The following UVRAG variants were observed in gnomAD, a reference collection of about 807,000 sequenced individuals.
UVRAG encodes UV radiation resistance associated.
A neutral mutation model predicts 78.0 loss-of-function variants in UVRAG; 19 were observed. That is an observed-to-expected ratio of 0.24 (90% confidence interval 0.17 to 0.36). The LOEUF is 0.36. Ranked by LOEUF, UVRAG falls within the 10% of genes least tolerant of loss-of-function variation. The pLI is 1.00. For missense variants in UVRAG, 740 were observed against 853.8 expected (o/e 0.87, Z 1.66); for synonymous variants, 323 against 324.6 (o/e 1.00, Z 0.05).
intron 12 of UVRAG, among the ~76,000 whole-genome samples, chr11:76,056,961 G>A (rs1232859610): frequency 6.6e-6 from 1 of 152,184 alleles, no homozygotes; most frequent in African/African-American, 2.4e-5. Context: ...GATTTAAGGA[G>A]CAAACACTTA....
At chr11:76,091,583 T>C (rs1259684801) in intron 13 of UVRAG, among the ~76,000 whole-genome samples, 1 of 152,170 alleles carries the variant, frequency 6.6e-6, no homozygotes, top group Non-Finnish European at 1.5e-5. Flanking sequence ...CTTTTTGTTC[T>C]ACCTCTGGAG....
intron 2 of UVRAG, among the ~76,000 whole-genome samples, chr11:75,856,015 A>C (rs1345708361): frequency 1.3e-5 from 2 of 152,226 alleles, no homozygotes; most frequent in East Asian, 3.9e-4. Context: ...TTTGAGACGG[A>C]GTCTCACTCT....
intron 14 of UVRAG, among the ~76,000 whole-genome samples, chr11:76,126,536 G>A (rs566121490): frequency 3.9e-5 from 6 of 152,150 alleles, no homozygotes; most frequent in East Asian, 1.9e-4. Context: ...TTTGTATAAC[G>A]TAATGTCTTA....
At chr11:75,870,875 AT>A (rs796351174) in intron 3 of UVRAG, among the ~76,000 whole-genome samples, 23 of 147,490 alleles carry the variant, frequency 1.6e-4, no homozygotes, top group Non-Finnish European at 1.4e-4. Context: ...GCTTTATTTT[AT>A]TTTTTTTTTT....
At chr11:76,068,171 G>C (rs940150856) in intron 13 of UVRAG, among the ~76,000 whole-genome samples, 1 of 152,164 alleles carries the variant, frequency 6.6e-6, no homozygotes, top group Non-Finnish European at 1.5e-5. Flanking sequence ...ATAAAGTGTT[G>C]CTAAGAATAC....
chr11:75,940,944 CATT>C (rs1948471681), intron 6 of UVRAG, among the ~76,000 whole-genome samples: 1 of 152,012 alleles, frequency 6.6e-6, no homozygotes, highest in South Asian at 2.1e-4. Context: ...AAGTAGACAT[CATT>C]AATTGTGAAA....
rs1449204615 is a variant in UVRAG at position 76,142,323 on chromosome 11, A to G, written c.*910A>G. 3 of 152,190 alleles carry G rather than the reference A, an allele frequency of 2.0e-5. No homozygotes were observed. The highest frequency in any genetic ancestry group is 4.4e-5 in the Non-Finnish European group (3 of 68,042). 9.4% of individuals were successfully genotyped at this position (152,190 alleles called of 1,614,324 possible). On this transcript the variant is annotated 3_prime_UTR_variant, in exon 15 of 15. Transcript: ENST00000356136. ...ATCCCTTGATGTAAATCCCATGTTA[A>G]TTTATTAAATTTCAGTCAGAAGGTC...
At chr11:75,989,076 T>G (rs1274007954) in intron 8 of UVRAG, among the ~76,000 whole-genome samples, 1 of 152,182 alleles carries the variant, frequency 6.6e-6, no homozygotes, top group Non-Finnish European at 1.5e-5. Flanking sequence ...TTTCCTTTTT[T>G]TTGAGATGGG....
chr11:75,968,284 A>T (rs1949063547), intron 7 of UVRAG, among the ~76,000 whole-genome samples: 1 of 152,230 alleles, frequency 6.6e-6, no homozygotes, highest in South Asian at 2.1e-4. Flanking sequence ...ATAGTGTTGT[A>T]TAAAAACACT....
chr11:75,912,732 G>A (rs1322957657), intron 6 of UVRAG, among the ~76,000 whole-genome samples: 7 of 152,150 alleles, frequency 4.6e-5, no homozygotes, highest in South Asian at 4.1e-4. Context: ...TAATGTTTAC[G>A]TGACACATAA....
intron 12 of UVRAG, among the ~76,000 whole-genome samples, chr11:76,019,402 A>G (rs1020684682): frequency 6.6e-6 from 1 of 152,072 alleles, no homozygotes; most frequent in Non-Finnish European, 1.5e-5. Context: ...ATGCTTGTGG[A>G]TGTTTGCCAG....
chr11:75,877,964 C>T (rs1256664226), intron 3 of UVRAG, among the ~76,000 whole-genome samples: 1 of 150,650 alleles, frequency 6.6e-6, no homozygotes, highest in Non-Finnish European at 1.5e-5. Context: ...TGGGGGCTGA[C>T]CCCCACCTCC....
intron 7 of UVRAG, among the ~76,000 whole-genome samples, chr11:75,964,593 A>G (rs1043760541): frequency 6.6e-6 from 1 of 152,166 alleles, no homozygotes; most frequent in African/African-American, 2.4e-5. Flanking sequence ...TTGGATATGC[A>G]TGCATCTTTT....
chr11:75,962,679 T>G (rs1410469974), intron 7 of UVRAG, among the ~76,000 whole-genome samples: 1 of 152,126 alleles, frequency 6.6e-6, no homozygotes, highest in Non-Finnish European at 1.5e-5. Context: ...AGACTAAATT[T>G]CAGACTATAA....
chr11:76,130,520 A>G (rs969250302), intron 14 of UVRAG, among the ~76,000 whole-genome samples: 1 of 152,242 alleles, frequency 6.6e-6, no homozygotes, highest in Admixed American at 6.5e-5. Context: ...CCAAGATGTC[A>G]TCTCTAGAGT....
At chr11:76,037,333 A>G (rs894137395) in intron 12 of UVRAG, among the ~76,000 whole-genome samples, 5 of 152,256 alleles carry the variant, frequency 3.3e-5, no homozygotes, top group Admixed American at 6.5e-5. Flanking sequence ...ATATCATATC[A>G]TTTCAATAGA....
At position 75,964,970 on chromosome 11, in the gene UVRAG, G is replaced by A. The variant is rs138758722; in HGVS notation, c.699+3421G>A. On this transcript the variant is annotated intron_variant, in intron 7 of 14. Coordinates refer to ENST00000356136, the MANE Select transcript of UVRAG (RefSeq NM_003369.4). ...TTCTGTTCCATTGATCTATATGTCT[G>A]TATTTCCCCAATACCAAACTCACTT... Among the ~76,000 whole-genome samples, 719 of 152,258 alleles carry A rather than the reference G, an allele frequency of 4.7e-3. 6 individuals carry two copies. Among genetic ancestry groups the A allele is most frequent in the African/African-American group, 0.017 (691 of 41,528 alleles).
chr11:76,122,441 C>CTTTA (rs1294528206), intron 14 of UVRAG, among the ~76,000 whole-genome samples: 1 of 152,156 alleles, frequency 6.6e-6, no homozygotes, highest in East Asian at 1.9e-4. Flanking sequence ...ATCCCTTTCC[C>CTTTA]TATAAAATGA....
At chr11:75,933,387 C>T (rs1948285889) in intron 6 of UVRAG, among the ~76,000 whole-genome samples, 1 of 152,088 alleles carries the variant, frequency 6.6e-6, no homozygotes, top group Non-Finnish European at 1.5e-5. Flanking sequence ...AATCTAAGAC[C>T]TAAAACTATG....
Sources: gnomAD v4.1 joint callset for allele counts (sites outside exome capture counted in the v4.1 genomes callset) on GRCh38, gnomAD v4.1.1 for gene constraint, MANE v1.5 for transcripts, NCBI Gene and HGNC (gene_info 2026-07-23, HGNC 2026-07-21) for gene names.